Variants in GRIK2 observed in about 807,000 individuals in gnomAD.
GRIK2 encodes the protein glutamate receptor ionotropic, kainate 2.
A neutral mutation model predicts 100.3 loss-of-function variants in GRIK2; 32 were observed. The observed-to-expected ratio is 0.32, with a 90% confidence interval of 0.24 to 0.43. The LOEUF (loss-of-function observed/expected upper bound fraction) is 0.43, where lower values mean the gene tolerates loss of function less well. Among genes scored for constraint, GRIK2 ranks in the 20% least tolerant of loss-of-function variants. The pLI is 1.00. For synonymous variants in GRIK2, 417 were observed against 389.4 expected (o/e 1.07, Z -0.83); for missense variants, 843 against 1,114.9 (o/e 0.76, Z 3.47).
intron 2 of GRIK2, among the ~76,000 whole-genome samples, chr6:101,465,912 C>A (rs1300005584): frequency 6.6e-6 from 1 of 152,016 alleles, no homozygotes; most frequent in Non-Finnish European, 1.5e-5. Context: ...GGGTTGAGTG[C>A]TGTTTTGACT....
intron 7 of GRIK2, among the ~76,000 whole-genome samples, chr6:101,703,362 A>G (rs1773027620): frequency 6.6e-6 from 1 of 151,900 alleles, no homozygotes; most frequent in African/African-American, 2.4e-5. Context: ...AATTTCAGGA[A>G]GACTAGAGAA....
At chr6:101,786,419 G>A (rs970151766) in intron 7 of GRIK2, among the ~76,000 whole-genome samples, 34 of 151,950 alleles carry the variant, frequency 2.2e-4, no homozygotes, top group African/African-American at 8.2e-4. Context: ...CATACATTAT[G>A]TTATTTGTAG....
chr6:101,579,961 C>G (rs1252339836), intron 2 of GRIK2, among the ~76,000 whole-genome samples: 1 of 151,738 alleles, frequency 6.6e-6, no homozygotes, highest in Non-Finnish European at 1.5e-5. Flanking sequence ...AACTTTATGA[C>G]TACTTCTTCT....
At chr6:101,813,156 C>CACACAT in intron 9 of GRIK2, among the ~76,000 whole-genome samples, 1 of 151,882 alleles carries the variant, frequency 6.6e-6, no homozygotes, top group East Asian at 1.9e-4. Flanking sequence ...CACACACACA[C>CACACAT]ACACATATAC....
Position 102,001,190 on chromosome 6 carries a change from T to A in GRIK2, c.2086-34151T>A, listed in dbSNP as rs533098933. On this transcript the variant is annotated intron_variant, in intron 14 of 16. Coordinates refer to ENST00000369134, the MANE Select transcript of GRIK2 (RefSeq NM_021956.5). ...TCCAGGCATTCTTCTTCTTTATTTTTTTTTTTTTTTCATTTTACTTTAAGT... is the reference window on the plus strand; with the variant it reads ...TCCAGGCATTCTTCTTCTTTATTTTATTTTTTTTTTCATTTTACTTTAAGT... Among the ~76,000 whole-genome samples, 54 of 151,904 alleles carry A rather than the reference T, an allele frequency of 3.6e-4. 1 individual carries two copies. The highest frequency in any genetic ancestry group is 1.1e-3 in the African/African-American group (44 of 41,452).
chr6:101,516,199 A>C (rs1429650107), intron 2 of GRIK2, among the ~76,000 whole-genome samples: 1 of 152,104 alleles, frequency 6.6e-6, no homozygotes, highest in African/African-American at 2.4e-5. Flanking sequence ...TCCCCATCAG[A>C]ATGCCACCAT....
intron 14 of GRIK2, among the ~76,000 whole-genome samples, chr6:101,983,070 A>G (rs1470832506): frequency 6.6e-6 from 1 of 151,882 alleles, no homozygotes; most frequent in Non-Finnish European, 1.5e-5. Context: ...TAGCAAAATT[A>G]TCCATTTGGA....
chr6:101,674,464 T>C (rs1423178586), intron 4 of GRIK2, among the ~76,000 whole-genome samples: 1 of 152,220 alleles, frequency 6.6e-6, no homozygotes. Flanking sequence ...CACTCCCATG[T>C]TCAAAGAAAT....
At chr6:101,841,006 T>A (rs1248125361) in intron 10 of GRIK2, among the ~76,000 whole-genome samples, 2 of 151,334 alleles carry the variant, frequency 1.3e-5, no homozygotes, top group African/African-American at 4.9e-5. Context: ...TTTATTTTCA[T>A]GTATGTCACA....
At chr6:101,695,877 C>T (rs1181028076) in intron 7 of GRIK2, among the ~76,000 whole-genome samples, 1 of 151,916 alleles carries the variant, frequency 6.6e-6, no homozygotes, top group Non-Finnish European at 1.5e-5. Context: ...ATTGTTGAAT[C>T]TCTAATGGAA....
At chr6:101,687,834 T>C (rs1246232146) in intron 7 of GRIK2, among the ~76,000 whole-genome samples, 1 of 151,652 alleles carries the variant, frequency 6.6e-6, no homozygotes, top group Non-Finnish European at 1.5e-5. Flanking sequence ...AGAATTTTTA[T>C]TGAGAGGAAA....
At chr6:101,758,344 C>T (rs903610306) in intron 7 of GRIK2, among the ~76,000 whole-genome samples, 4 of 152,096 alleles carry the variant, frequency 2.6e-5, no homozygotes, top group Non-Finnish European at 5.9e-5. Flanking sequence ...ACTTATCTTG[C>T]TATAACTAAG....
chr6:101,464,400 G>C (rs146126886), intron 2 of GRIK2, among the ~76,000 whole-genome samples: 1,556 of 151,102 alleles, frequency 0.01, 11 homozygotes, highest in Non-Finnish European at 0.012. Context: ...TCCCTCCTGA[G>C]CAGGAGCCAA....
chr6:102,041,922 C>T lies in GRIK2; in HGVS notation c.2311+6356C>T, dbSNP rs149888759. On this transcript the variant is annotated intron_variant, in intron 15 of 16. Transcript: ENST00000369134. ...TGTTTAGGGATATTAAATATATAGC[C>T]GAGAAAGCAGAGTATTAGTATGACC... Among the ~76,000 whole-genome samples the T allele has an allele frequency of 1.1e-3, 174 of 151,438 alleles. 2 individuals are homozygous for T. The highest frequency in any genetic ancestry group is 1.4e-3 in the Admixed American group (21 of 15,118).
At chr6:101,413,121 A>C (rs1775959793) in intron 2 of GRIK2, among the ~76,000 whole-genome samples, 1 of 152,036 alleles carries the variant, frequency 6.6e-6, no homozygotes, top group Admixed American at 6.5e-5. Context: ...AGAGAATTTT[A>C]ACCTTTAAAT....
At chr6:101,471,616 A>C (rs1311249774) in intron 2 of GRIK2, among the ~76,000 whole-genome samples, 1 of 152,016 alleles carries the variant, frequency 6.6e-6, no homozygotes, top group African/African-American at 2.4e-5. Flanking sequence ...TTTCTGTTAC[A>C]ATATTTATCT....
At chr6:101,726,518 A>G (rs1484291767) in intron 7 of GRIK2, among the ~76,000 whole-genome samples, 1 of 152,016 alleles carries the variant, frequency 6.6e-6, no homozygotes, top group Non-Finnish European at 1.5e-5. Flanking sequence ...AACATTTATA[A>G]TCACTTGCTT....
intron 2 of GRIK2, among the ~76,000 whole-genome samples, chr6:101,411,103 C>A (rs1775866472): frequency 6.6e-6 from 1 of 151,978 alleles, no homozygotes; most frequent in African/African-American, 2.4e-5. Context: ...TCATCTTTCC[C>A]TAAGGATTCT....
At chr6:102,039,899 G>T (rs1263602033) in intron 15 of GRIK2, among the ~76,000 whole-genome samples, 8 of 151,486 alleles carry the variant, frequency 5.3e-5, no homozygotes, top group South Asian at 2.1e-4. Context: ...TCATGTATTA[G>T]TTCCTCACAA....
Sources: allele counts gnomAD v4.1 joint callset (sites outside exome capture counted in the v4.1 genomes callset), GRCh38; gene constraint gnomAD v4.1.1; transcripts MANE v1.5; gene names NCBI Gene and HGNC (gene_info 2026-07-23, HGNC 2026-07-21).